The following ELMO1 variants were observed in gnomAD, a reference collection of about 807,000 sequenced individuals.
ELMO1 encodes the protein engulfment and cell motility 1.
Under a neutral mutation model 98.9 loss-of-function variants are expected in ELMO1, and 26 were observed. The observed-to-expected ratio is 0.26, with a 90% CI of 0.19 to 0.36. The LOEUF is 0.36. Ranked by LOEUF, ELMO1 falls within the 10% of genes least tolerant of loss-of-function variation. The pLI is 1.00. For synonymous variants in ELMO1, 346 were observed against 346.0 expected (o/e 1.00, Z 0.00); for missense variants, 627 against 935.2 (o/e 0.67, Z 4.30).
At chr7:37,075,890 G>A (rs922148540) in intron 15 of ELMO1, among the ~76,000 whole-genome samples, 18 of 152,166 alleles carry the variant, frequency 1.2e-4, no homozygotes, top group African/African-American at 4.3e-4. Context: ...AAAAAAATGT[G>A]TAATGCATTC....
intron 7 of ELMO1, among the ~76,000 whole-genome samples, chr7:37,238,042 GGATT>G (rs1233436379): frequency 1.6e-4 from 24 of 152,204 alleles, no homozygotes; most frequent in African/African-American, 5.5e-4. Context: ...AGTGGTTTTA[GGATT>G]GATTTGTAAT....
At chr7:37,165,758 T>C in intron 13 of ELMO1, among the ~76,000 whole-genome samples, 1 of 152,230 alleles carries the variant, frequency 6.6e-6, no homozygotes, top group Non-Finnish European at 1.5e-5. Context: ...ATTGAGGATT[T>C]TTGCATCAAT....
chr7:37,030,441 A>ACTATT (rs200388583), intron 15 of ELMO1, among the ~76,000 whole-genome samples: 1 of 130,778 alleles, frequency 7.6e-6, no homozygotes, highest in African/African-American at 3.8e-5. Flanking sequence ...GAGCATTTTT[A>ACTATT]CTATTCTACA....
At chr7:37,447,250 A>C (rs1354496140) in intron 1 of ELMO1, among the ~76,000 whole-genome samples, 1 of 152,212 alleles carries the variant, frequency 6.6e-6, no homozygotes, top group Non-Finnish European at 1.5e-5. Flanking sequence ...AAACACTCAG[A>C]TATTCTTCCA....
intron 16 of ELMO1, among the ~76,000 whole-genome samples, chr7:36,906,209 T>C (rs1181332838): frequency 2.0e-5 from 3 of 152,296 alleles, no homozygotes; most frequent in African/African-American, 7.2e-5. Flanking sequence ...GTTCATGAAC[T>C]TGCCTCAACA....
intron 1 of ELMO1, among the ~76,000 whole-genome samples, chr7:37,427,487 T>C (rs1209381209): frequency 6.6e-6 from 1 of 152,172 alleles, no homozygotes; most frequent in Admixed American, 6.5e-5. Context: ...CTCCTTCAGA[T>C]GCCACCAAAA....
chr7:37,393,139 T>C (rs573892315), intron 1 of ELMO1, among the ~76,000 whole-genome samples: 139 of 152,356 alleles, frequency 9.1e-4, no homozygotes, highest in African/African-American at 3.3e-3. Flanking sequence ...TTTTTATTCT[T>C]TCTTAAAAAT....
At chr7:36,991,696 C>A (rs1791888116) in intron 16 of ELMO1, among the ~76,000 whole-genome samples, 1 of 152,160 alleles carries the variant, frequency 6.6e-6, no homozygotes, top group African/African-American at 2.4e-5. Context: ...GCAGAATGTG[C>A]AAACCCTGTC....
intron 1 of ELMO1, among the ~76,000 whole-genome samples, chr7:37,406,066 C>T (rs1425125): frequency 0.41 from 62,138 of 151,956 alleles, 13,231 homozygotes; most frequent in Non-Finnish European, 0.48. Context: ...ATTTTCAAGC[C>T]GTTAAGCAGA....
intron 15 of ELMO1, among the ~76,000 whole-genome samples, chr7:37,046,607 C>CA (rs894788668): frequency 3.9e-5 from 6 of 151,964 alleles, no homozygotes; most frequent in African/African-American, 4.8e-5. Flanking sequence ...GAAAACAAAA[C>CA]AAAACAAAAA....
chr7:36,936,708 C>T (rs566066257), intron 16 of ELMO1, among the ~76,000 whole-genome samples: 1 of 152,284 alleles, frequency 6.6e-6, no homozygotes, highest in East Asian at 1.9e-4. Flanking sequence ...TCCTTCTTGG[C>T]TTCCGAAAGT....
intron 16 of ELMO1, among the ~76,000 whole-genome samples, chr7:36,930,317 T>A (rs1317310932): frequency 6.6e-6 from 1 of 152,240 alleles, no homozygotes. Context: ...TGCTTTCAAA[T>A]GGCAGATTCA....
intron 1 of ELMO1, among the ~76,000 whole-genome samples, chr7:37,398,730 AT>A (rs1232348747): frequency 6.6e-6 from 1 of 152,128 alleles, no homozygotes; most frequent in Non-Finnish European, 1.5e-5. Flanking sequence ...CTCTCGGAAA[AT>A]GGAGAGAAGG....
chr7:37,070,537 T>C (rs562327058), intron 15 of ELMO1, among the ~76,000 whole-genome samples: 10 of 152,320 alleles, frequency 6.6e-5, no homozygotes, highest in African/African-American at 2.4e-4. Flanking sequence ...TATTTAAGTA[T>C]CAGTCTGGGA....
chr7:37,135,810 A>C (rs1021731777), intron 13 of ELMO1, among the ~76,000 whole-genome samples: 28 of 152,214 alleles, frequency 1.8e-4, no homozygotes, highest in Non-Finnish European at 2.9e-5. Context: ...TAATATGACA[A>C]AACAAGGTTC....
chr7:37,126,048 C>G (rs1222413504), intron 14 of ELMO1, among the ~76,000 whole-genome samples: 1 of 151,552 alleles, frequency 6.6e-6, no homozygotes, highest in Non-Finnish European at 1.5e-5. Flanking sequence ...ATTGCAAGGA[C>G]AAAAAACCAA....
At chr7:36,886,446 C>T (rs1432991497) in intron 18 of ELMO1, among the ~76,000 whole-genome samples, 1 of 152,166 alleles carries the variant, frequency 6.6e-6, no homozygotes, top group Non-Finnish European at 1.5e-5. Flanking sequence ...CTGACAAACA[C>T]AAAATGATTT....
intron 15 of ELMO1, among the ~76,000 whole-genome samples, chr7:37,038,470 C>T (rs1049345339): frequency 2.6e-5 from 4 of 152,172 alleles, no homozygotes; most frequent in African/African-American, 9.7e-5. Flanking sequence ...ACCAGTGACC[C>T]AAAGGATGCT....
chr7:37,215,671 T>A (rs1452688150), intron 11 of ELMO1, among the ~76,000 whole-genome samples: 1 of 152,258 alleles, frequency 6.6e-6, no homozygotes, highest in South Asian at 2.1e-4. Flanking sequence ...TCAGCCAGCT[T>A]ACCTGGCCTC....
Sources: gnomAD v4.1 joint callset for allele counts (sites outside exome capture counted in the v4.1 genomes callset) on GRCh38, gnomAD v4.1.1 for gene constraint, MANE v1.5 for transcripts, NCBI Gene and HGNC (gene_info 2026-07-23, HGNC 2026-07-21) for gene names.